The following EPB41L4A variants were observed in gnomAD, a reference collection of about 807,000 sequenced individuals.
EPB41L4A encodes the protein band 4.1-like protein 4A.
Under a neutral mutation model 108.6 loss-of-function variants are expected in EPB41L4A, and 100 were observed. The ratio of observed to expected loss-of-function variants is 0.92; its 90% CI spans 0.78 to 1.09. The LOEUF is 1.09. Ranked by LOEUF, EPB41L4A falls within the 50% of genes least tolerant of loss-of-function variation. EPB41L4A has a pLI of 0.00. For synonymous variants in EPB41L4A, 319 were observed against 289.0 expected (o/e 1.10, Z -1.05); for missense variants, 1,030 against 842.7 (o/e 1.22, Z -2.75).
intron 22 of EPB41L4A, among the ~76,000 whole-genome samples, chr5:112,166,734 A>G (rs1289557810): frequency 6.6e-6 from 1 of 152,252 alleles, no homozygotes; most frequent in East Asian, 1.9e-4. Context: ...ATAAAGAGCC[A>G]GACTGTAAAC....
At chr5:112,330,223 A>G (rs1033385331) in intron 1 of EPB41L4A, among the ~76,000 whole-genome samples, 8 of 151,826 alleles carry the variant, frequency 5.3e-5, no homozygotes, top group Non-Finnish European at 7.4e-5. Flanking sequence ...AGTGACATGG[A>G]TTTCATTTGC....
chr5:112,161,675 C>G (rs1759915798), downstream of EPB41L4A: 1 of 504,934 alleles, frequency 2.0e-6, no homozygotes, highest in African/African-American at 1.9e-5. Flanking sequence ...TGTATGGTTT[C>G]TCTTAGCCAG....
At chr5:112,409,401 T>C (rs1762283732) in intron 1 of EPB41L4A, among the ~76,000 whole-genome samples, 1 of 152,050 alleles carries the variant, frequency 6.6e-6, no homozygotes, top group Non-Finnish European at 1.5e-5. Flanking sequence ...CTTATAAAAT[T>C]GATTGTGGTG....
rs553350756 is a variant in EPB41L4A at position 112,243,273 on chromosome 5, G to A, written c.796-2463C>T. On this transcript the variant is annotated intron_variant, in intron 9 of 22. Coordinates refer to ENST00000261486, the MANE Select transcript of EPB41L4A (RefSeq NM_022140.5). The stretch of plus-strand genomic sequence containing the variant: ...CACACACACACATATATATATGTGT[G>A]TGTATATATATATATATATTTTGTT... Among the ~76,000 whole-genome samples the A allele has an allele frequency of 4.4e-5, 5 of 112,656 alleles. No individual in the cohort carries two copies. The Admixed American group carries it at 4.5e-4, about 10-fold the overall frequency. 73.9% of individuals were successfully genotyped at this position (112,656 alleles called of 152,430 possible). A position where few individuals can be genotyped will look rare whatever the true frequency, so the allele number is the denominator to read the frequency against.
chr5:112,339,461 GATATATATATATCTATATATAT>G (rs1403219093), intron 1 of EPB41L4A, among the ~76,000 whole-genome samples: 2 of 121,182 alleles, frequency 1.7e-5, no homozygotes, highest in African/African-American at 6.4e-5. Context: ...TATAGCTATA[GATATATATATATCTATATATAT>G]ATATATATAT....
At chr5:112,313,919 A>AGT (rs1755228111) in intron 1 of EPB41L4A, among the ~76,000 whole-genome samples, 1 of 128,036 alleles carries the variant, frequency 7.8e-6, no homozygotes, top group African/African-American at 3.1e-5. Context: ...GCTGGAGTGC[A>AGT]GTGGCGCAAT....
intron 1 of EPB41L4A, among the ~76,000 whole-genome samples, chr5:112,335,868 G>A (rs980176280): frequency 8.5e-5 from 13 of 152,196 alleles, no homozygotes; most frequent in African/African-American, 3.1e-4. Context: ...CACAGCTGGT[G>A]TTTCTCTCCC....
intron 3 of EPB41L4A, among the ~76,000 whole-genome samples, chr5:112,279,853 G>A (rs533545919): frequency 6.6e-6 from 1 of 152,200 alleles, no homozygotes; most frequent in East Asian, 1.9e-4. Context: ...TTAGGAAACT[G>A]AGTGGTCTGA....
rs60823180 is a variant in EPB41L4A at position 112,265,878 on chromosome 5, C to T, written c.433+355G>A. Among the ~76,000 whole-genome samples the T allele has an allele frequency of 0.015, 2,213 of 152,298 alleles. 222 individuals are homozygous for T. The East Asian group carries it at 0.26, about 18-fold the overall frequency. Reference sequence around the variant, plus strand: ...ATGCAGACTCTTCACAACAGCAATGCAGGAGCAATGGGATCTCTGACACAT... The same window carrying T: ...ATGCAGACTCTTCACAACAGCAATGTAGGAGCAATGGGATCTCTGACACAT... On this transcript the variant is annotated intron_variant, in intron 5 of 22. Transcript: ENST00000261486.
At chr5:112,327,825 T>C (rs116064648) in intron 1 of EPB41L4A, among the ~76,000 whole-genome samples, 1 of 151,960 alleles carries the variant, frequency 6.6e-6, no homozygotes, top group Non-Finnish European at 1.5e-5. Flanking sequence ...GGGAGGGAAG[T>C]GGGCAAGCAG....
chr5:112,165,192 A>G lies in EPB41L4A; in HGVS notation c.1933-74T>C, dbSNP rs937036521. ...ATGAAGTATTTTAATTACATCAGAA[A>G]CCAAGCTGCTCTTAAATTTAAGATA... On this transcript the variant is annotated intron_variant, in intron 22 of 22. Transcript: ENST00000261486. 4.4e-6 allele frequency: 5 copies of G among 1,139,362 alleles called. No homozygotes were observed. In the African/African-American group the frequency reaches 7.9e-5, roughly 18 times the overall value. 70.6% of individuals were successfully genotyped at this position (1,139,362 alleles called of 1,614,324 possible). A position where few individuals can be genotyped will look rare whatever the true frequency, so the allele number is the denominator to read the frequency against.
chr5:112,367,478 T>C (rs1265465853), intron 1 of EPB41L4A, among the ~76,000 whole-genome samples: 2 of 152,182 alleles, frequency 1.3e-5, no homozygotes, highest in Non-Finnish European at 2.9e-5. Flanking sequence ...AAATCATCCC[T>C]GTGGAGGCCT....
chr5:112,225,334 G>C (rs1193327762), intron 12 of EPB41L4A, among the ~76,000 whole-genome samples: 1 of 152,132 alleles, frequency 6.6e-6, no homozygotes, highest in African/African-American at 2.4e-5. Context: ...GACTCTGGTT[G>C]TGTCTGCTAT....
intron 17 of EPB41L4A, chr5:112,192,151 G>A (rs1761736105): frequency 6.6e-6 from 1 of 152,346 alleles, no homozygotes; most frequent in East Asian, 1.9e-4. Flanking sequence ...CATGTGGGAT[G>A]AGTGGGTTCC....
rs116206641 is a variant in EPB41L4A at position 112,377,539 on chromosome 5, C to T, written c.99+41402G>A. 6.5e-3 allele frequency among the ~76,000 whole-genome samples: 993 copies of T among 152,266 alleles called. 4 individuals are homozygous for T. Among genetic ancestry groups the T allele is most frequent in the Non-Finnish European group, 0.01 (698 of 68,022 alleles). On this transcript the variant is annotated intron_variant, in intron 1 of 22. Coordinates refer to ENST00000261486, the MANE Select transcript of EPB41L4A (RefSeq NM_022140.5). ...ATTTTCATTTACTGGCCATTTTCAG[C>T]TCTACCATTTCATCCATGATTCATG...
At chr5:112,179,248 A>G (rs1422441698) in intron 18 of EPB41L4A, among the ~76,000 whole-genome samples, 1 of 152,098 alleles carries the variant, frequency 6.6e-6, no homozygotes, top group Admixed American at 6.5e-5. Flanking sequence ...AGATTGTTTC[A>G]CTGGTGAATT....
intron 9 of EPB41L4A, among the ~76,000 whole-genome samples, chr5:112,247,646 C>T (rs2150400938): frequency 6.6e-6 from 1 of 152,252 alleles, no homozygotes; most frequent in Non-Finnish European, 1.5e-5. Context: ...ACTTCCAAGA[C>T]TTTTGGAATT....
At position 112,176,743 on chromosome 5, in the gene EPB41L4A, C is replaced by CTT. The variant is rs59150913; in HGVS notation, c.1623-5753_1623-5752dup. On this transcript the variant is annotated intron_variant, in intron 18 of 22. Coordinates refer to ENST00000261486, the MANE Select transcript of EPB41L4A (RefSeq NM_022140.5). ...ATCTGCTTTTTACCCACCAGAGCAA[C>CTT]TTTTTTTTTTTTTTTTTTTTTTTTT... Among the ~76,000 whole-genome samples, 41 of 65,842 alleles carry CTT rather than the reference C, an allele frequency of 6.2e-4. 1 individual carries two copies. Among genetic ancestry groups the CTT allele is most frequent in the Non-Finnish European group, 8.3e-4 (31 of 37,220 alleles). The allele number at this position is 65,842 out of a possible 152,430, so 43.2% of individuals were successfully genotyped here. A position where few individuals can be genotyped will look rare whatever the true frequency, so the allele number is the denominator to read the frequency against.
intron 9 of EPB41L4A, among the ~76,000 whole-genome samples, chr5:112,246,499 G>T (rs1370949702): frequency 2.0e-5 from 3 of 152,082 alleles, no homozygotes; most frequent in African/African-American, 7.2e-5. Flanking sequence ...AATTCAAGCT[G>T]GGAACTGGGT....
Sources: allele counts gnomAD v4.1 joint callset (sites outside exome capture counted in the v4.1 genomes callset), GRCh38; gene constraint gnomAD v4.1.1; transcripts MANE v1.5; gene names NCBI Gene and HGNC (gene_info 2026-07-23, HGNC 2026-07-21).